Variants in UTRN observed in about 807,000 individuals in gnomAD.
UTRN encodes the protein dystrophin-related protein 1.
UTRN carries 283 observed loss-of-function variants against 463.9 expected under a neutral mutation model. That is an observed-to-expected ratio of 0.61 (90% CI 0.55 to 0.67). UTRN has a LOEUF of 0.67. Ranked by LOEUF, UTRN falls within the 30% of genes least tolerant of loss-of-function variation. The probability of loss-of-function intolerance (pLI) is 0.00; values close to 1 mark genes in which losing one functional copy is unlikely to be tolerated. For synonymous variants in UTRN, 1,442 were observed against 1,431.5 expected, an observed-to-expected ratio of 1.01 and a Z score of -0.17; for missense variants, 3,922 against 4,084.3, an observed-to-expected ratio of 0.96 and a Z score of 1.08.
intron 2 of UTRN, among the ~76,000 whole-genome samples, chr6:144,339,090 G>A (rs1248168510): frequency 6.6e-6 from 1 of 152,166 alleles, no homozygotes; most frequent in Non-Finnish European, 1.5e-5. Context: ...AAGAGTTCTG[G>A]TTCAGCAGCA....
chr6:144,445,089 G>A (rs1375054623), intron 14 of UTRN, among the ~76,000 whole-genome samples: 3 of 152,088 alleles, frequency 2.0e-5, no homozygotes, highest in South Asian at 2.1e-4. Context: ...GGTGGCTCAC[G>A]CCTGTAATCC....
At chr6:144,651,568 A>G (rs1778820599) in intron 51 of UTRN, among the ~76,000 whole-genome samples, 2 of 152,246 alleles carry the variant, frequency 1.3e-5, no homozygotes, top group African/African-American at 4.8e-5. Flanking sequence ...TAAGTAATCT[A>G]GTTTACATGT....
In UTRN at chr6:144,681,932, A is replaced by G. The variant is rs75571279; in HGVS notation, c.7652+3354A>G. Among the ~76,000 whole-genome samples the G allele has an allele frequency of 2.7e-3, 404 of 152,316 alleles. 15 individuals are homozygous for G. The East Asian group carries it at 0.056, about 21-fold the overall frequency. ...CATGCATGCAATGCATAATAATCAC[A>G]TCGTGGAAAATGTGGTATCTATCCC... is the stretch of plus-strand genomic sequence containing the variant. On this transcript the variant is annotated intron_variant, in intron 52 of 74. Transcript: ENST00000367545.
intron 9 of UTRN, among the ~76,000 whole-genome samples, chr6:144,433,426 C>T (rs1258039656): frequency 8.7e-5 from 13 of 149,848 alleles, no homozygotes; most frequent in East Asian, 2.0e-4. Flanking sequence ...ACTTCCCAGA[C>T]GGGGTGGCTG....
intron 2 of UTRN, among the ~76,000 whole-genome samples, chr6:144,336,100 C>T (rs1410580030): frequency 6.6e-6 from 1 of 152,164 alleles, no homozygotes; most frequent in Non-Finnish European, 1.5e-5. Context: ...CTCAGATTTG[C>T]ATGTGGGCAT....
chr6:144,849,285 A>T (rs1019102429), intron 74 of UTRN, among the ~76,000 whole-genome samples: 9 of 152,162 alleles, frequency 5.9e-5, no homozygotes, highest in African/African-American at 2.2e-4. Context: ...AGGGTGGCCC[A>T]TTAAAATTAG....
intron 3 of UTRN, among the ~76,000 whole-genome samples, chr6:144,408,298 T>C (rs561380710): frequency 2.0e-5 from 3 of 152,338 alleles, no homozygotes; most frequent in East Asian, 3.9e-4. Context: ...TTTCAGAGCC[T>C]CTGGCTTGTT....
At chr6:144,783,485 G>A (rs1776035851) in intron 61 of UTRN, among the ~76,000 whole-genome samples, 4 of 152,094 alleles carry the variant, frequency 2.6e-5, no homozygotes, top group Admixed American at 2.6e-4. Flanking sequence ...GAGGTACACA[G>A]TGATATTTCA....
intron 51 of UTRN, among the ~76,000 whole-genome samples, chr6:144,617,436 G>T (rs1189645640): frequency 6.6e-6 from 1 of 152,136 alleles, no homozygotes; most frequent in Non-Finnish European, 1.5e-5. Context: ...TTGGTATCCA[G>T]GTTTGCGTTT....
intron 52 of UTRN, among the ~76,000 whole-genome samples, chr6:144,699,659 A>G (rs1784388935): frequency 6.6e-6 from 1 of 150,606 alleles, no homozygotes. Context: ...CGTATATACT[A>G]TACATAAACT....
chr6:144,584,157 C>G (rs1281484218), intron 51 of UTRN, among the ~76,000 whole-genome samples: 1 of 152,138 alleles, frequency 6.6e-6, no homozygotes, highest in Non-Finnish European at 1.5e-5. Flanking sequence ...TTTAATTTCA[C>G]TTGGATGGAT....
intron 3 of UTRN, among the ~76,000 whole-genome samples, 192 bp downstream of exon 3, chr6:144,403,376 A>G (rs1783098000): frequency 6.6e-6 from 1 of 152,112 alleles, no homozygotes; most frequent in South Asian, 2.1e-4. Flanking sequence ...CACATAGTTT[A>G]TGGGACGCTA....
rs192740888 is a variant in UTRN at position 144,314,002 on chromosome 6, A to G, written c.79+22095A>G. On this transcript the variant is annotated intron_variant, in intron 2 of 74. Transcript: ENST00000367545. ...ATACACTAGGAGTAGAATATTTGTAATGAAATGGAGTGCTGTTTTAATGGA... is the reference window on the plus strand; with the variant it reads ...ATACACTAGGAGTAGAATATTTGTAGTGAAATGGAGTGCTGTTTTAATGGA... Among the ~76,000 whole-genome samples, 520 of 152,260 alleles carry G rather than the reference A, an allele frequency of 3.4e-3. 1 individual carries two copies. The highest frequency in any genetic ancestry group is 5.6e-3 in the Non-Finnish European group (383 of 68,024).
chr6:144,367,225 T>G (rs1410693963), intron 2 of UTRN, among the ~76,000 whole-genome samples: 1 of 152,078 alleles, frequency 6.6e-6, no homozygotes, highest in Non-Finnish European at 1.5e-5. Flanking sequence ...CCTCAAGTGA[T>G]CTGCCTGCCT....
intron 58 of UTRN, among the ~76,000 whole-genome samples, chr6:144,763,844 A>C (rs1263811605): frequency 1.3e-5 from 2 of 152,168 alleles, no homozygotes; most frequent in Non-Finnish European, 2.9e-5. Flanking sequence ...AAATAAACAT[A>C]GCTCTCTCCA....
At chr6:144,581,045 G>T (rs904485375) in intron 51 of UTRN, among the ~76,000 whole-genome samples, 1 of 152,198 alleles carries the variant, frequency 6.6e-6, no homozygotes, top group African/African-American at 2.4e-5. Context: ...TCAGAGCAGG[G>T]TTGCAAGTTA....
chr6:144,550,371 T>C (rs1798794570), intron 47 of UTRN, among the ~76,000 whole-genome samples: 1 of 152,232 alleles, frequency 6.6e-6, no homozygotes, highest in African/African-American at 2.4e-5. Context: ...TTCTAGTCTC[T>C]ATGACTGTCA....
At chr6:144,517,583 T>C (rs1281455641) in intron 39 of UTRN, among the ~76,000 whole-genome samples, 2 of 152,208 alleles carry the variant, frequency 1.3e-5, no homozygotes, top group East Asian at 1.9e-4. Context: ...GGTAGTTCCT[T>C]CTAGAACGAT....
At position 144,451,367 on chromosome 6, in the gene UTRN, C is replaced by T. The variant is rs753096712; in HGVS notation, c.2073-3C>T. ...AAATGGTCACCTCTGAATCTTCAAACAGGTTTGATGCTATAAGTGCAGAGC... is the reference window on the plus strand; with the variant it reads ...AAATGGTCACCTCTGAATCTTCAAATAGGTTTGATGCTATAAGTGCAGAGC... On this transcript the variant is annotated splice_region_variant and splice_polypyrimidine_tract_variant and intron_variant, in intron 17 of 74. Coordinates refer to ENST00000367545, the MANE Select transcript of UTRN (RefSeq NM_007124.3). The T allele has an allele frequency of 6.2e-7, 1 of 1,607,020 alleles. No homozygotes were observed. The highest frequency in any genetic ancestry group is 8.5e-7 in the Non-Finnish European group (1 of 1,177,276).
Sources: gnomAD v4.1 joint callset for allele counts (sites outside exome capture counted in the v4.1 genomes callset) on GRCh38, gnomAD v4.1.1 for gene constraint, MANE v1.5 for transcripts, NCBI Gene and HGNC (gene_info 2026-07-23, HGNC 2026-07-21) for gene names.